The following STPG2 variants were observed in gnomAD, a reference collection of about 807,000 sequenced individuals.
STPG2 encodes the protein sperm tail PG-rich repeat containing 2, also known as sperm-tail PG-rich repeat-containing protein 2.
A neutral mutation model predicts 54.2 loss-of-function variants in STPG2; 56 were observed. The ratio of observed to expected loss-of-function variants is 1.03; its 90% CI spans 0.83 to 1.29. STPG2 has a LOEUF of 1.29. Ranked by LOEUF, STPG2 falls within the 50% of genes most tolerant of loss-of-function variation. STPG2 has a pLI of 0.00. For missense variants in STPG2, 596 were observed against 544.9 expected (o/e 1.09, Z -0.93); for synonymous variants, 200 against 181.8 (o/e 1.10, Z -0.81).
intron 8 of STPG2, among the ~76,000 whole-genome samples, chr4:97,899,587 G>T (rs1731097075): frequency 6.6e-6 from 1 of 150,590 alleles, no homozygotes; most frequent in South Asian, 2.1e-4. Flanking sequence ...CAGGGCTACA[G>T]TAACCAAAAC....
chr4:98,106,993 T>C (rs1377220778), intron 4 of STPG2, among the ~76,000 whole-genome samples: 4 of 152,322 alleles, frequency 2.6e-5, no homozygotes, highest in Non-Finnish European at 4.4e-5. Flanking sequence ...GCTATTACTT[T>C]CTTTGTTCAG....
chr4:97,631,577 T>A (rs1310287719), intron 10 of STPG2, among the ~76,000 whole-genome samples: 4 of 152,112 alleles, frequency 2.6e-5, no homozygotes, highest in African/African-American at 9.6e-5. Flanking sequence ...TGTGAATTTG[T>A]ATTTGATGAG....
intron 5 of STPG2, among the ~76,000 whole-genome samples, chr4:98,065,231 A>G (rs927392890): frequency 6.6e-6 from 1 of 152,206 alleles, no homozygotes; most frequent in Admixed American, 6.5e-5. Context: ...TCAAGGCAAC[A>G]AAATAGGAAA....
intron 9 of STPG2, among the ~76,000 whole-genome samples, chr4:97,771,337 A>G (rs1356461552): frequency 6.6e-6 from 1 of 152,212 alleles, no homozygotes; most frequent in Non-Finnish European, 1.5e-5. Flanking sequence ...GCCATGCTCT[A>G]GGACTAAGAT....
At chr4:97,912,935 A>AT (rs1388449708) in intron 8 of STPG2, among the ~76,000 whole-genome samples, 1 of 152,234 alleles carries the variant, frequency 6.6e-6, no homozygotes, top group Admixed American at 6.5e-5. Flanking sequence ...CAATAATACA[A>AT]TTCTAAAGAG....
At chr4:97,441,403 TC>T (rs1729076345) in intron 4 of STPG2, 2 of 152,020 alleles carry the variant, frequency 1.3e-5, no homozygotes, top group East Asian at 1.9e-4. Context: ...GTATTTTTTA[TC>T]TCTAGATGTT....
chr4:97,453,534 C>T (rs568985203), intron 4 of STPG2, among the ~76,000 whole-genome samples: 1 of 152,286 alleles, frequency 6.6e-6, no homozygotes, highest in East Asian at 1.9e-4. Context: ...CCTCAAAGAT[C>T]CTGTGACAAT....
chr4:97,741,979 G>C (rs1440215652), intron 9 of STPG2, among the ~76,000 whole-genome samples: 1 of 152,074 alleles, frequency 6.6e-6, no homozygotes, highest in Non-Finnish European at 1.5e-5. Context: ...GTCCAACAAT[G>C]ATAGACTGGA....
At chr4:97,771,771 A>C (rs538245240) in intron 9 of STPG2, among the ~76,000 whole-genome samples, 1 of 152,336 alleles carries the variant, frequency 6.6e-6, no homozygotes, top group South Asian at 2.1e-4. Flanking sequence ...GGCATGGCAG[A>C]AGGCCCTGGA....
chr4:97,480,348 AG>A (rs1437413632), intron 4 of STPG2, among the ~76,000 whole-genome samples: 1 of 151,600 alleles, frequency 6.6e-6, no homozygotes, highest in African/African-American at 2.4e-5. Flanking sequence ...ATGAAATGGG[AG>A]GCACAGATTG....
At chr4:97,712,627 T>G in intron 10 of STPG2, 72 bp downstream of exon 10, 3 of 1,021,134 alleles carry the variant, frequency 2.9e-6, no homozygotes, top group Non-Finnish European at 4.1e-6. Context: ...GACTTTAATA[T>G]ATACATTTGT....
At chr4:97,537,331 A>T (rs1731559252) in intron 4 of STPG2, among the ~76,000 whole-genome samples, 1 of 152,312 alleles carries the variant, frequency 6.6e-6, no homozygotes, top group East Asian at 1.9e-4. Context: ...CTGGAAAATC[A>T]GATCACTCCC....
At chr4:97,711,560 G>C (rs1336021589) in intron 10 of STPG2, among the ~76,000 whole-genome samples, 2 of 151,872 alleles carry the variant, frequency 1.3e-5, no homozygotes, top group Non-Finnish European at 2.9e-5. Flanking sequence ...GGAATCAACA[G>C]CCAACAAGAT....
intron 4 of STPG2, among the ~76,000 whole-genome samples, chr4:97,549,524 A>G (rs1224770352): frequency 6.6e-6 from 1 of 152,160 alleles, no homozygotes; most frequent in East Asian, 1.9e-4. Context: ...GAGTTGAACT[A>G]TGGCTTCCCA....
chr4:98,035,922 A>G (rs1736762603), intron 5 of STPG2, among the ~76,000 whole-genome samples: 1 of 152,030 alleles, frequency 6.6e-6, no homozygotes, highest in Non-Finnish European at 1.5e-5. Context: ...CAGGGAGGGG[A>G]ACATCACACA....
Position 97,570,105 on chromosome 4 carries a change from A to C in STPG2, c.1321-10988T>G, listed in dbSNP as rs996763557. ...TGTCATGAAAGACAAAGCCTCTTTCAGATTAAAGAAAACTAAAGATACATG... is the reference window on the plus strand; with the variant it reads ...TGTCATGAAAGACAAAGCCTCTTTCCGATTAAAGAAAACTAAAGATACATG... On this transcript the variant is annotated intron_variant, in intron 10 of 10. Transcript: ENST00000295268. Among the ~76,000 whole-genome samples the C allele has an allele frequency of 2.2e-4, 33 of 152,276 alleles. 1 individual carries two copies. Among genetic ancestry groups the C allele is most frequent in the African/African-American group, 7.0e-4 (29 of 41,572 alleles).
At chr4:98,018,499 G>C (rs1179572909) in intron 5 of STPG2, among the ~76,000 whole-genome samples, 2 of 152,192 alleles carry the variant, frequency 1.3e-5, no homozygotes, top group African/African-American at 4.8e-5. Flanking sequence ...TGTCTTTATA[G>C]CAGCATGATT....
intron 10 of STPG2, among the ~76,000 whole-genome samples, chr4:97,599,546 G>A (rs1221371410): frequency 1.3e-5 from 2 of 152,046 alleles, no homozygotes; most frequent in African/African-American, 2.4e-5. Flanking sequence ...CATATAGGCC[G>A]GGTGCGGTGG....
chr4:97,525,484 A>G lies in STPG2; in HGVS notation c.462+187215T>C, dbSNP rs1731262933. Among the ~76,000 whole-genome samples the G allele has an allele frequency of 2.0e-5, 3 of 152,036 alleles. No homozygotes were observed. In the South Asian group the frequency reaches 6.2e-4, roughly 31 times the overall value. ...GCTATTGTAATCTAAAAAGGGCTTCAAAACTCTTCAAAAAAACCCCAAAAG... is the reference window on the plus strand; with the variant it reads ...GCTATTGTAATCTAAAAAGGGCTTCGAAACTCTTCAAAAAAACCCCAAAAG... On this transcript the variant is annotated intron_variant, in intron 4 of 4. Transcript: ENST00000522676.
Sources: allele counts gnomAD v4.1 joint callset (sites outside exome capture counted in the v4.1 genomes callset), GRCh38; gene constraint gnomAD v4.1.1; transcripts MANE v1.5; gene names NCBI Gene and HGNC (gene_info 2026-07-23, HGNC 2026-07-21).